FAR2: variants seen among roughly 807,000 people sequenced by gnomAD.
FAR2 encodes epididymis secretory protein Li 81.
In FAR2, 19 loss-of-function variants were observed where a neutral mutation model predicts 56.0. That is an observed-to-expected ratio of 0.34 (90% CI 0.24 to 0.50). FAR2 has a LOEUF of 0.50. FAR2 is among the 20% of genes least tolerant of loss of function. The pLI is 0.98. For missense variants in FAR2, 508 were observed against 642.2 expected, an observed-to-expected ratio of 0.79 and a Z score of 2.26; for synonymous variants, 219 against 218.8, an observed-to-expected ratio of 1.00 and a Z score of -0.01.
At position 29,270,650 on chromosome 12, in the gene FAR2, A is replaced by G. The variant is rs2194519; in HGVS notation, c.189+12A>G. On this transcript the variant is annotated intron_variant, in intron 2 of 11. Transcript: ENST00000536681. Reference sequence around the variant, plus strand: ...TCCTAGACAGTAAGGTATGCCTTATAGGAAAGCGTGTGTGATGGGCAATGC... The same window carrying G: ...TCCTAGACAGTAAGGTATGCCTTATGGGAAAGCGTGTGTGATGGGCAATGC... 0.35 allele frequency: 563,181 copies of G among 1,592,984 alleles called. 101,595 individuals carry two copies. Among genetic ancestry groups the G allele is most frequent in the Non-Finnish European group, 0.37 (436,652 of 1,166,282 alleles).
In FAR2 at chr12:29,189,416, C is replaced by T. The variant is rs139343356; in HGVS notation, c.-39+40009C>T. Among the ~76,000 whole-genome samples, 212 of 152,236 alleles carry T rather than the reference C, an allele frequency of 1.4e-3. 1 individual carries two copies. The South Asian group carries it at 0.02, about 14-fold the overall frequency. ...TCCTTTTTTTGAGCACTATCTTACT[C>T]TCTGCCACTACAAGATGCTGTACGC... On this transcript the variant is annotated intron_variant, in intron 1 of 11. Coordinates refer to ENST00000536681, the MANE Select transcript of FAR2 (RefSeq NM_001271783.2).
intron 1 of FAR2, among the ~76,000 whole-genome samples, chr12:29,242,718 A>G (rs73269507): frequency 0.044 from 6,686 of 152,266 alleles, 484 homozygotes; most frequent in African/African-American, 0.15. Flanking sequence ...GGAAAGAGGA[A>G]AGTACTCAAA....
At chr12:29,162,596 G>T (rs77636343) in intron 1 of FAR2, among the ~76,000 whole-genome samples, 3,943 of 152,152 alleles carry the variant, frequency 0.026, 163 homozygotes, top group African/African-American at 0.087. Context: ...AAAAATCAAA[G>T]TATACAATTT....
At chr12:29,292,281 C>T (rs1454610806) in intron 2 of FAR2, 1 of 152,122 alleles carries the variant, frequency 6.6e-6, no homozygotes, top group African/African-American at 2.4e-5. Flanking sequence ...TCTTGCTTTC[C>T]AGTAGTCAGA....
At chr12:29,219,366 A>G (rs1440148195) in intron 1 of FAR2, among the ~76,000 whole-genome samples, 2 of 152,234 alleles carry the variant, frequency 1.3e-5, no homozygotes, top group Non-Finnish European at 2.9e-5. Context: ...GGGGAAAAGA[A>G]TACCTGAAGC....
rs1489134888 is a variant in FAR2, at chr12:29,308,705, C to CATATATATATATATATATATATAT, written c.724-480_724-479insTATATATATATATATATATATATA. Among the ~76,000 whole-genome samples the CATATATATATATATATATATATAT allele has an allele frequency of 9.1e-5, 12 of 132,596 alleles. 1 individual carries two copies. Among genetic ancestry groups the CATATATATATATATATATATATAT allele is most frequent in the African/African-American group, 2.8e-4 (8 of 28,206 alleles). The allele number at this position is 132,596 out of a possible 152,430, so 87.0% of individuals were successfully genotyped here. ...AGACACACAGACACACACACACACA[C>CATATATATATATATATATATATAT]ACACACACACACACATATATATATA... On this transcript the variant is annotated intron_variant, in intron 5 of 11. Coordinates refer to ENST00000536681, the MANE Select transcript of FAR2 (RefSeq NM_001271783.2).
intron 1 of FAR2, among the ~76,000 whole-genome samples, chr12:29,184,032 G>A (rs777701699): frequency 1.2e-4 from 19 of 152,028 alleles, no homozygotes; most frequent in Non-Finnish European, 2.2e-4. Context: ...ATTACTAAGT[G>A]GCAACACATA....
chr12:29,293,084 G>A (rs1400447217), intron 2 of FAR2: 4 of 372,144 alleles, frequency 1.1e-5, no homozygotes, highest in Admixed American at 4.7e-5. Context: ...GCAGGCTGGT[G>A]TCGAACTCCT....
At chr12:29,180,750 T>TATCTA (rs2136596915) in intron 1 of FAR2, among the ~76,000 whole-genome samples, 2 of 152,114 alleles carry the variant, frequency 1.3e-5, no homozygotes, top group East Asian at 3.9e-4. Context: ...TCTATCTATC[T>TATCTA]ATCTATCTAT....
intron 8 of FAR2, among the ~76,000 whole-genome samples, chr12:29,315,524 CTG>C (rs1949433361): frequency 6.6e-6 from 1 of 152,158 alleles, no homozygotes; most frequent in Non-Finnish European, 1.5e-5. Context: ...GGAGGTCAGA[CTG>C]TAGGAGTACA....
intron 2 of FAR2, among the ~76,000 whole-genome samples, chr12:29,292,043 C>T (rs573696113): frequency 3.3e-4 from 51 of 152,258 alleles, no homozygotes; most frequent in Middle Eastern, 3.4e-3. Context: ...CAGATTGGAA[C>T]ATTATTTCCT....
At chr12:29,175,555 C>T (rs1949929910) in intron 1 of FAR2, among the ~76,000 whole-genome samples, 1 of 152,188 alleles carries the variant, frequency 6.6e-6, no homozygotes, top group Non-Finnish European at 1.5e-5. Context: ...GCTGGGGTGG[C>T]CAGCTTTTAT....
chr12:29,280,913 C>G (rs1341658372), intron 2 of FAR2: 2 of 152,188 alleles, frequency 1.3e-5, no homozygotes, highest in Non-Finnish European at 1.5e-5. Context: ...AGCTGTGTGT[C>G]CAGGAGAAAA....
intron 1 of FAR2, among the ~76,000 whole-genome samples, chr12:29,238,071 T>G (rs1321827249): frequency 1.3e-5 from 2 of 152,192 alleles, no homozygotes; most frequent in African/African-American, 4.8e-5. Flanking sequence ...TGATATGGTT[T>G]TAGATTCTAC....
Position 29,210,086 on chromosome 12 carries a change from T to C in FAR2, c.-38-60326T>C, listed in dbSNP as rs549028965. On this transcript the variant is annotated intron_variant, in intron 1 of 11. Coordinates refer to ENST00000536681, the MANE Select transcript of FAR2 (RefSeq NM_001271783.2). Reference sequence around the variant, plus strand: ...AACCGGGTGTGGTGGCGTGCACCTGTAGTCCCAGCTACTTGGAGGCTGAAA... The same window carrying C: ...AACCGGGTGTGGTGGCGTGCACCTGCAGTCCCAGCTACTTGGAGGCTGAAA... Among the ~76,000 whole-genome samples the C allele has an allele frequency of 7.2e-5, 11 of 152,142 alleles. No homozygotes were observed. The East Asian group carries it at 2.1e-3, about 29-fold the overall frequency.
chr12:29,156,942 G>C (rs1358254194), intron 1 of FAR2: 3 of 151,610 alleles, frequency 2.0e-5, no homozygotes, highest in African/African-American at 7.3e-5. Flanking sequence ...AGGGTGTGCT[G>C]TGTGATCACA....
At chr12:29,168,408 C>T (rs777404529) in intron 1 of FAR2, among the ~76,000 whole-genome samples, 1 of 152,174 alleles carries the variant, frequency 6.6e-6, no homozygotes, top group Non-Finnish European at 1.5e-5. Flanking sequence ...TGTGAGGCAT[C>T]CTCATTTGGT....
intron 1 of FAR2, among the ~76,000 whole-genome samples, chr12:29,255,097 A>C (rs1395800189): frequency 6.6e-6 from 1 of 152,242 alleles, no homozygotes; most frequent in Non-Finnish European, 1.5e-5. Context: ...TCCATAACAG[A>C]ATACCAGACT....
chr12:29,257,337 G>A (rs963537257), intron 1 of FAR2, among the ~76,000 whole-genome samples: 8 of 152,154 alleles, frequency 5.3e-5, no homozygotes, highest in African/African-American at 1.9e-4. Context: ...GGGACGTGGA[G>A]AACCTTTGTG....
Sources: gnomAD v4.1 joint callset for allele counts (sites outside exome capture counted in the v4.1 genomes callset) on GRCh38, gnomAD v4.1.1 for gene constraint, MANE v1.5 for transcripts, NCBI Gene and HGNC (gene_info 2026-07-23, HGNC 2026-07-21) for gene names.